TMEM135: variants seen among roughly 807,000 people sequenced by gnomAD.
TMEM135 encodes peroxisomal membrane protein 52.
TMEM135 carries 30 observed loss-of-function variants against 60.3 expected under a neutral mutation model. The observed-to-expected ratio is 0.50, with a 90% CI of 0.37 to 0.68. The LOEUF (loss-of-function observed/expected upper bound fraction) is 0.68, where lower values mean the gene tolerates loss of function less well. Among genes scored for constraint, TMEM135 ranks in the 30% least tolerant of loss-of-function variants. TMEM135 has a pLI of 0.00. For synonymous variants in TMEM135, 190 were observed against 186.7 expected (o/e 1.02, Z -0.14); for missense variants, 468 against 548.8 (o/e 0.85, Z 1.47).
rs1015019366 is a variant in TMEM135 at position 87,165,331 on chromosome 11, C to T, written c.462+7925C>T. Among the ~76,000 whole-genome samples the T allele has an allele frequency of 3.4e-4, 42 of 122,680 alleles. No homozygotes were observed. In the Admixed American group the frequency reaches 3.7e-3, roughly 11 times the overall value. The allele number at this position is 122,680 out of a possible 152,430, so 80.5% of individuals were successfully genotyped here. A position where few individuals can be genotyped will look rare whatever the true frequency, so the allele number is the denominator to read the frequency against. ...TTTTGTCTTTGGCTCTGTTTATATG[C>T]TGGATTACATTTATTGATTTGCGTA... On this transcript the variant is annotated intron_variant, in intron 5 of 14. Transcript: ENST00000305494.
At chr11:87,299,490 G>T (rs937321523) in intron 7 of TMEM135, among the ~76,000 whole-genome samples, 7 of 152,186 alleles carry the variant, frequency 4.6e-5, no homozygotes, top group Non-Finnish European at 7.3e-5. Flanking sequence ...TACAACTCGA[G>T]ATGAGATTTG....
intron 3 of TMEM135, among the ~76,000 whole-genome samples, chr11:87,081,681 AG>A (rs1235809458): frequency 1.9e-5 from 2 of 102,636 alleles, no homozygotes; most frequent in Admixed American, 1.1e-4. Context: ...TTGATAGCTG[AG>A]GGTTTTTTTT....
At chr11:87,294,760 G>A (rs11235083) in intron 6 of TMEM135, among the ~76,000 whole-genome samples, 103,684 of 152,134 alleles carry the variant, frequency 0.68, 35,708 homozygotes, top group Non-Finnish European at 0.71. Flanking sequence ...AATACTCAAA[G>A]TCCCTTTGTT....
chr11:87,180,876 T>C (rs888260785), intron 5 of TMEM135, among the ~76,000 whole-genome samples: 1 of 152,182 alleles, frequency 6.6e-6, no homozygotes, highest in Non-Finnish European at 1.5e-5. Flanking sequence ...AATGCAATAT[T>C]CAAAGTCTCC....
intron 5 of TMEM135, among the ~76,000 whole-genome samples, chr11:87,226,916 G>T (rs890631762): frequency 6.6e-6 from 1 of 152,144 alleles, no homozygotes; most frequent in Non-Finnish European, 1.5e-5. Context: ...GGGTGTGGTG[G>T]CAAATGCCTA....
In TMEM135 at chr11:87,038,123, C is replaced by T. The variant is rs141357739; in HGVS notation, c.78C>T (p.Ser26=). The change falls in exon 1 of 15, where the codon TCC becomes TCT. Residue 26 remains serine (S), a synonymous_variant. Coordinates refer to ENST00000305494, the MANE Select transcript of TMEM135 (RefSeq NM_022918.4). ...CTTGGCACCCTTCCTGCCGGGTCTCCTTCCTGCAGATCACCGGGGGCGCCC... is the reference window on the plus strand; with the variant it reads ...CTTGGCACCCTTCCTGCCGGGTCTCTTTCCTGCAGATCACCGGGGGCGCCC... ...GHTWHPSCRV[S]FLQITGGALE... 3.4e-5 allele frequency: 55 copies of T among 1,614,188 alleles called. No homozygotes were observed. Among genetic ancestry groups the T allele is most frequent in the Non-Finnish European group, 4.6e-5 (54 of 1,180,036 alleles).
At chr11:87,264,860 C>A (rs1243588887) in intron 6 of TMEM135, among the ~76,000 whole-genome samples, 1 of 83,144 alleles carries the variant, frequency 1.2e-5, no homozygotes, top group East Asian at 2.5e-4. Flanking sequence ...ACTAGATTTT[C>A]AAAGAGACAT....
chr11:87,253,595 G>A (rs866622519), intron 6 of TMEM135, among the ~76,000 whole-genome samples: 6 of 46,176 alleles, frequency 1.3e-4, no homozygotes, highest in African/African-American at 5.1e-4. Flanking sequence ...TAGCCTCTTT[G>A]TCAATCAAGA....
chr11:87,095,341 G>C (rs1180658254), intron 4 of TMEM135: 1 of 214,202 alleles, frequency 4.7e-6, no homozygotes, highest in Non-Finnish European at 1.0e-5. Context: ...GCACTATAAG[G>C]TTCCCAATTT....
At chr11:87,077,582 T>C (rs1170400500) in intron 3 of TMEM135, among the ~76,000 whole-genome samples, 1 of 152,264 alleles carries the variant, frequency 6.6e-6, no homozygotes, top group East Asian at 1.9e-4. Context: ...TTTCTGTTTT[T>C]GTAATAGCTT....
At position 87,219,290 on chromosome 11, in the gene TMEM135, G is replaced by C. The variant is rs187137869; in HGVS notation, c.463-17348G>C. 1.8e-3 allele frequency among the ~76,000 whole-genome samples: 273 copies of C among 152,294 alleles called. 1 individual carries two copies. Among genetic ancestry groups the C allele is most frequent in the African/African-American group, 6.4e-3 (265 of 41,560 alleles). The stretch of plus-strand genomic sequence containing the variant: ...TACCGTAACAAAATACTACAGACTA[G>C]ATGGCTTATTCAATAGAAATTTGTT... On this transcript the variant is annotated intron_variant, in intron 5 of 14. Transcript: ENST00000305494.
chr11:87,292,617 AG>A (rs1480518670), intron 6 of TMEM135, among the ~76,000 whole-genome samples: 3 of 21,426 alleles, frequency 1.4e-4, no homozygotes, highest in Non-Finnish European at 2.7e-4. Context: ...CAATACTCTT[AG>A]TGTCAAAATG....
At chr11:87,079,025 G>C (rs1856930063) in intron 3 of TMEM135, among the ~76,000 whole-genome samples, 1 of 151,526 alleles carries the variant, frequency 6.6e-6, no homozygotes, top group Non-Finnish European at 1.5e-5. Context: ...ATTTTTTGAG[G>C]TGGAGTCTTG....
rs544420191 is a variant in TMEM135 at position 87,043,265 on chromosome 11, G to GT, written c.141+5086dup. Among the ~76,000 whole-genome samples, 134 of 151,948 alleles carry GT rather than the reference G, an allele frequency of 8.8e-4. 2 individuals are homozygous for GT. The highest frequency in any genetic ancestry group is 3.1e-3 in the African/African-American group (130 of 41,386). ...CCACTGGGCCCAGCCTATTTCTGTA[G>GT]TTTTTTTAAAAAGCAGATTCTTACA... is the stretch of plus-strand genomic sequence containing the variant. On this transcript the variant is annotated intron_variant, in intron 1 of 14. Transcript: ENST00000305494.
intron 5 of TMEM135, among the ~76,000 whole-genome samples, chr11:87,180,360 CT>C (rs1202103023): frequency 6.6e-6 from 1 of 152,092 alleles, no homozygotes; most frequent in African/African-American, 2.4e-5. Context: ...TTTTTCCCCC[CT>C]TTCTTGCCAC....
At chr11:87,108,730 T>C (rs1199730658) in intron 4 of TMEM135, among the ~76,000 whole-genome samples, 1 of 152,196 alleles carries the variant, frequency 6.6e-6, no homozygotes, top group African/African-American at 2.4e-5. Flanking sequence ...AAATTTTGGT[T>C]TGTTGTGCTT....
intron 4 of TMEM135, among the ~76,000 whole-genome samples, chr11:87,139,731 C>T (rs975348543): frequency 6.6e-6 from 1 of 152,128 alleles, no homozygotes; most frequent in Non-Finnish European, 1.5e-5. Context: ...ATTCTTTTTA[C>T]TTGTTCTAGT....
intron 5 of TMEM135, among the ~76,000 whole-genome samples, chr11:87,158,194 G>A (rs986063631): frequency 3.3e-5 from 5 of 152,178 alleles, no homozygotes; most frequent in East Asian, 3.9e-4. Context: ...ACAGAGTGCC[G>A]GCATTACAGG....
chr11:87,098,685 T>TTA (rs202203635), intron 4 of TMEM135, among the ~76,000 whole-genome samples: 35 of 151,332 alleles, frequency 2.3e-4, no homozygotes, highest in African/African-American at 6.8e-4. Context: ...ACAAAGTATC[T>TTA]TATATATATA....
Sources: gnomAD v4.1 joint callset for allele counts (sites outside exome capture counted in the v4.1 genomes callset) on GRCh38, gnomAD v4.1.1 for gene constraint, MANE v1.5 for transcripts, NCBI Gene and HGNC (gene_info 2026-07-23, HGNC 2026-07-21) for gene names.